YTHDC2: variants seen among roughly 807,000 people sequenced by gnomAD.
YTHDC2 encodes the protein 3'-5' RNA helicase YTHDC2.
YTHDC2 carries 45 observed loss-of-function variants against 174.9 expected under a neutral mutation model. That is an observed-to-expected ratio of 0.26 (90% CI 0.20 to 0.33). The LOEUF is 0.33. Ranked by LOEUF, YTHDC2 falls within the 10% of genes least tolerant of loss-of-function variation. The pLI, the probability that YTHDC2 is intolerant of heterozygous loss-of-function variation, is 1.00. For synonymous variants in YTHDC2, 657 were observed against 574.5 expected (o/e 1.14, Z -2.05); for missense variants, 1,650 against 1,723.7 (o/e 0.96, Z 0.76).
Position 113,589,408 on chromosome 5 carries a change from A to ATATAT in YTHDC2, c.3826-1633_3826-1632insTATAT, listed in dbSNP as rs1554103528. ...TCTTTTAAAAATTAAAAAAAAAAAAAATATATATATATATATATATATATG... is the reference window on the plus strand; with the variant it reads ...TCTTTTAAAAATTAAAAAAAAAAAAATATATATATATATATATATATATATATATG... On this transcript the variant is annotated intron_variant, in intron 26 of 29. Coordinates refer to ENST00000161863, the MANE Select transcript of YTHDC2 (RefSeq NM_022828.5). Among the ~76,000 whole-genome samples, 548 of 123,210 alleles carry ATATAT rather than the reference A, an allele frequency of 4.4e-3. 2 individuals are homozygous for ATATAT. The highest frequency in any genetic ancestry group is 6.0e-3 in the African/African-American group (176 of 29,286). 80.8% of individuals were successfully genotyped at this position (123,210 alleles called of 152,430 possible).
At chr5:113,530,431 C>A (rs1774575576) in intron 4 of YTHDC2, among the ~76,000 whole-genome samples, 1 of 151,914 alleles carries the variant, frequency 6.6e-6, no homozygotes, top group Non-Finnish European at 1.5e-5. Flanking sequence ...TATATTTTAC[C>A]TTTTTTAGTG....
chr5:113,528,805 G>A (rs1415347596), intron 4 of YTHDC2, among the ~76,000 whole-genome samples: 1 of 152,100 alleles, frequency 6.6e-6, no homozygotes, highest in African/African-American at 2.4e-5. Context: ...CACCATGCCT[G>A]GCCAGAAAAT....
intron 16 of YTHDC2, among the ~76,000 whole-genome samples, chr5:113,554,678 C>A (rs1037661265): frequency 1.3e-5 from 2 of 151,790 alleles, no homozygotes; most frequent in East Asian, 3.9e-4. Flanking sequence ...GTAACAGAGA[C>A]CCTCTCAAAG....
intron 4 of YTHDC2, among the ~76,000 whole-genome samples, chr5:113,528,035 A>G (rs567899019): frequency 6.6e-6 from 1 of 152,190 alleles, no homozygotes; most frequent in East Asian, 1.9e-4. Flanking sequence ...AGATTGTTAT[A>G]ATTTTTTTAG....
At chr5:113,590,891 T>C in intron 26 of YTHDC2, 150 bp from the exon 27 acceptor site, 2 of 656,438 alleles carry the variant, frequency 3.0e-6, no homozygotes, top group Non-Finnish European at 2.5e-6. Context: ...TTGAGTCTTG[T>C]GTAGGTTTCA....
At chr5:113,592,380 A>G (rs1490301322) in intron 28 of YTHDC2, 3 of 442,818 alleles carry the variant, frequency 6.8e-6, no homozygotes, top group African/African-American at 2.0e-5. Flanking sequence ...GAGTCTCAAG[A>G]TGACAATAGT....
chr5:113,516,894 C>T (rs1369512464), intron 2 of YTHDC2, among the ~76,000 whole-genome samples: 3 of 152,104 alleles, frequency 2.0e-5, no homozygotes, highest in Non-Finnish European at 4.4e-5. Flanking sequence ...GGTGAATGTG[C>T]GTTTTGAACA....
intron 9 of YTHDC2, among the ~76,000 whole-genome samples, chr5:113,541,492 A>G (rs1775463233): frequency 1.3e-5 from 2 of 152,098 alleles, no homozygotes; most frequent in South Asian, 2.1e-4. Context: ...CACCCAGCCA[A>G]GAGATTGTAA....
intron 8 of YTHDC2, 49 bp from the exon 9 acceptor site, chr5:113,540,919 A>G (rs1775410709): frequency 6.4e-7 from 1 of 1,554,232 alleles, no homozygotes; most frequent in African/African-American, 1.4e-5. Flanking sequence ...AATACATTTC[A>G]AAAAGGAAAT....
At chr5:113,534,575 A>C (rs1774925385) in intron 6 of YTHDC2, among the ~76,000 whole-genome samples, 168 bp downstream of exon 6, 1 of 152,142 alleles carries the variant, frequency 6.6e-6, no homozygotes, top group Non-Finnish European at 1.5e-5. Context: ...TGATCAATTT[A>C]TTTTTTGTCT....
rs111709011 is a variant in YTHDC2 at position 113,557,900 on chromosome 5, C to T, written c.2216+1766C>T. On this transcript the variant is annotated intron_variant, in intron 17 of 29. Transcript: ENST00000161863. ...CAACAAATGTTTATCAAAAGTCTTC[C>T]CTGTGCACATGTTACGGATAGTGAT... 1.0e-3 allele frequency among the ~76,000 whole-genome samples: 153 copies of T among 152,298 alleles called. 4 individuals carry two copies. The highest frequency in any genetic ancestry group is 3.4e-3 in the African/African-American group (143 of 41,572).
intron 2 of YTHDC2, among the ~76,000 whole-genome samples, chr5:113,520,406 A>G (rs1219442035): frequency 2.6e-5 from 4 of 152,242 alleles, no homozygotes; most frequent in African/African-American, 9.6e-5. Context: ...ACTTATGATC[A>G]TAGATGTAAT....
intron 17 of YTHDC2, among the ~76,000 whole-genome samples, chr5:113,560,515 AAT>A (rs969213306): frequency 3.9e-5 from 6 of 152,180 alleles, no homozygotes; most frequent in African/African-American, 1.4e-4. Context: ...TGAAGACAAG[AAT>A]ATTTCTATAT....
At chr5:113,582,522 G>T (rs950498188) in intron 25 of YTHDC2, 8 of 152,126 alleles carry the variant, frequency 5.3e-5, no homozygotes, top group African/African-American at 1.7e-4. Context: ...TCAAATTTAA[G>T]TTATTTTATA....
intron 7 of YTHDC2, among the ~76,000 whole-genome samples, chr5:113,536,195 C>T (rs945335971): frequency 6.6e-6 from 1 of 152,128 alleles, no homozygotes; most frequent in African/African-American, 2.4e-5. Context: ...GATTTTGCCA[C>T]CAGTCTTTAA....
intron 4 of YTHDC2, among the ~76,000 whole-genome samples, chr5:113,530,457 G>A (rs996190077): frequency 1.6e-4 from 24 of 152,006 alleles, no homozygotes; most frequent in African/African-American, 5.3e-4. Flanking sequence ...CCTAGAGTTT[G>A]CAGTATACAT....
chr5:113,556,358 T>G (rs886686158), intron 17 of YTHDC2: 4 of 324,012 alleles, frequency 1.2e-5, no homozygotes, highest in Non-Finnish European at 2.2e-5. Context: ...TACATTCAGA[T>G]GTAAGAAGCT....
At position 113,513,708 on chromosome 5, in the gene YTHDC2, C is replaced by T. The variant is rs915700136; in HGVS notation, c.-188C>T. ...ATTACGCCCGCGCTCCTCGCCTGGC[C>T]GTGATATCAATGGCGCAGGCTTCAC... On this transcript the variant is annotated 5_prime_UTR_variant, in exon 1 of 30. Coordinates refer to ENST00000161863, the MANE Select transcript of YTHDC2 (RefSeq NM_022828.5). 4 of 651,854 alleles carry T rather than the reference C, an allele frequency of 6.1e-6. No individual in the cohort carries two copies. The highest frequency in any genetic ancestry group is 7.3e-6 in the Non-Finnish European group (3 of 411,636). 40.4% of individuals were successfully genotyped at this position (651,854 alleles called of 1,614,324 possible).
intron 7 of YTHDC2, among the ~76,000 whole-genome samples, chr5:113,537,086 C>G (rs1054875850): frequency 3.9e-5 from 6 of 152,064 alleles, no homozygotes; most frequent in South Asian, 4.1e-4. Context: ...AATGAACATC[C>G]TTTTATGTAT....
Sources: gnomAD v4.1 joint callset for allele counts (sites outside exome capture counted in the v4.1 genomes callset) on GRCh38, gnomAD v4.1.1 for gene constraint, MANE v1.5 for transcripts, NCBI Gene and HGNC (gene_info 2026-07-23, HGNC 2026-07-21) for gene names.